Variants in ANK3 observed in about 807,000 individuals in gnomAD.
ANK3 encodes ankyrin 3, also known as ankyrin-3.
In ANK3, 57 loss-of-function variants were observed where a neutral mutation model predicts 370.9. The observed-to-expected ratio is 0.15, with a 90% CI of 0.12 to 0.19. The LOEUF (loss-of-function observed/expected upper bound fraction) is 0.19. Ranked by LOEUF, ANK3 falls within the 10% of genes least tolerant of loss-of-function variation. The pLI is 1.00. For synonymous variants in ANK3, 1,929 were observed against 1,946.3 expected, an observed-to-expected ratio of 0.99 and a Z score of 0.23; for missense variants, 4,439 against 5,302.1, an observed-to-expected ratio of 0.84 and a Z score of 5.06.
At chr10:60,290,082 T>C (rs924061266) in intron 1 of ANK3, among the ~76,000 whole-genome samples, 4 of 152,210 alleles carry the variant, frequency 2.6e-5, no homozygotes, top group Admixed American at 1.3e-4. Context: ...TGTGCACTGA[T>C]ATTTTTATAG....
intron 2 of ANK3, among the ~76,000 whole-genome samples, chr10:60,595,108 A>AT (rs1406540567): frequency 7.9e-5 from 12 of 152,062 alleles, no homozygotes; most frequent in South Asian, 6.2e-4. Flanking sequence ...TGGAAAATCT[A>AT]TTTTTTTTAA....
intron 4 of ANK3, among the ~76,000 whole-genome samples, chr10:60,271,941 G>GC (rs752751012): frequency 4.0e-5 from 6 of 150,896 alleles, no homozygotes; most frequent in Non-Finnish European, 5.9e-5. Flanking sequence ...AAAATTAGAG[G>GC]CAGTGGAATG....
intron 5 of ANK3, among the ~76,000 whole-genome samples, chr10:60,265,604 G>A (rs1336509558): frequency 6.6e-6 from 1 of 152,038 alleles, no homozygotes; most frequent in Admixed American, 6.5e-5. Flanking sequence ...TGGCATGCAA[G>A]TTACTTATTA....
intron 2 of ANK3, among the ~76,000 whole-genome samples, chr10:60,414,828 G>C (rs2063628170): frequency 6.6e-6 from 1 of 152,194 alleles, no homozygotes; most frequent in Admixed American, 6.5e-5. Context: ...ATTTGCCAAA[G>C]CAGTAGCCTT....
At chr10:60,707,328 C>T (rs1424916169) in intron 1 of ANK3, among the ~76,000 whole-genome samples, 1 of 152,074 alleles carries the variant, frequency 6.6e-6, no homozygotes, top group African/African-American at 2.4e-5. Context: ...CACTTTAAAG[C>T]CCCATTTGTC....
At chr10:60,258,805 A>C (rs1168142357) in intron 7 of ANK3, among the ~76,000 whole-genome samples, 1 of 150,184 alleles carries the variant, frequency 6.7e-6, no homozygotes, top group African/African-American at 2.4e-5. Flanking sequence ...TAAATCTTCC[A>C]CTCCCTACTG....
At chr10:60,484,665 G>A (rs1291099047) in intron 2 of ANK3, among the ~76,000 whole-genome samples, 2 of 152,184 alleles carry the variant, frequency 1.3e-5, no homozygotes, top group Admixed American at 1.3e-4. Flanking sequence ...GGACTCACTT[G>A]TTTTCTCCTG....
rs866661111 is a variant in ANK3 at position 60,198,410 on chromosome 10, G to A, written c.1619C>T (p.Ala540Val). The change falls in exon 14 of 44, where the codon GCC (alanine) becomes GTC (valine). Residue 540 changes from alanine (A) to valine (V), a missense_variant. Physicochemically the swap from Ala to Val is moderately conservative, Grantham distance 64. Coordinates refer to ENST00000280772, the MANE Select transcript of ANK3 (RefSeq NM_020987.5). ...GGCCACATCCTCATGCCCCTCTCGG[G>A]CGGAAAGGTGAAGTGGGGTGTACCC... ...TSGYTPLHLS[A>V]REGHEDVAAF... The A allele has an allele frequency of 1.2e-6, 2 of 1,614,210 alleles. No individual in the cohort carries two copies. The highest frequency in any genetic ancestry group is 1.6e-4 in the Middle Eastern group (1 of 6,062).
At chr10:60,596,429 G>A (rs888855250) in intron 2 of ANK3, among the ~76,000 whole-genome samples, 6 of 152,012 alleles carry the variant, frequency 3.9e-5, no homozygotes, top group African/African-American at 1.2e-4. Context: ...ATCAAACATG[G>A]CAACAGTCGC....
intron 1 of ANK3, among the ~76,000 whole-genome samples, chr10:60,320,581 A>ATGTT (rs767217379): frequency 1.3e-5 from 2 of 152,192 alleles, no homozygotes; most frequent in Non-Finnish European, 2.9e-5. Flanking sequence ...TCTGGGCAAC[A>ATGTT]GACTGAGACT....
At chr10:60,687,090 G>A (rs2079278557) in intron 1 of ANK3, among the ~76,000 whole-genome samples, 1 of 152,188 alleles carries the variant, frequency 6.6e-6, no homozygotes, top group South Asian at 2.1e-4. Context: ...TGGGCGTGTA[G>A]TAAACTATAT....
intron 25 of ANK3, among the ~76,000 whole-genome samples, chr10:60,127,688 T>C (rs1419774695): frequency 1.4e-5 from 2 of 145,446 alleles, no homozygotes; most frequent in Admixed American, 7.2e-5. Flanking sequence ...CCATAATTTT[T>C]AGTTTTTCAT....
intron 1 of ANK3, among the ~76,000 whole-genome samples, chr10:60,702,182 C>G (rs997043504): frequency 1.3e-5 from 2 of 151,680 alleles, no homozygotes; most frequent in Admixed American, 6.6e-5. Context: ...AGGAGAATCA[C>G]TTGAGCCCAG....
intron 1 of ANK3, among the ~76,000 whole-genome samples, chr10:60,373,669 G>T (rs1342222650): frequency 6.6e-6 from 1 of 152,164 alleles, no homozygotes; most frequent in African/African-American, 2.4e-5. Context: ...CAAGGTCACG[G>T]AAGGCAAGCA....
Position 60,069,405 on chromosome 10 carries a change from C to G in ANK3, c.11476G>C (p.Val3826Leu), listed in dbSNP as rs746447437. The change falls in exon 37 of 44, where the codon GTC becomes CTC. Residue 3826 changes from valine to leucine, a missense_variant. This residue lies in a region of ANK3 where 496 missense variants were observed against 529.3 expected (regional missense o/e 0.94). Transcript: ENST00000280772. ...ACCCCTGTCTTTTTTCCTGATGAGA[C>G]TTTCACTGGGTTATCTTTCTCTGTG... ...CTTEKDNPVK[V>L]SSGKKTGVLQ... The G allele has an allele frequency of 4.3e-6, 7 of 1,613,696 alleles. No homozygotes were observed. Among genetic ancestry groups the G allele is most frequent in the Admixed American group, 3.3e-5 (2 of 59,962 alleles).
In ANK3 at chr10:60,049,258, T is replaced by C. The variant is rs185270263; in HGVS notation, c.13065+6400A>G. 4.4e-3 allele frequency among the ~76,000 whole-genome samples: 670 copies of C among 152,328 alleles called. 8 individuals carry two copies. The highest frequency in any genetic ancestry group is 4.9e-3 in the Non-Finnish European group (334 of 68,020). The stretch of plus-strand genomic sequence containing the variant: ...CTCAGTTATAAAACCTATTCTCTGA[T>C]GACTTCACTCAATCTCTCTAAAATT... On this transcript the variant is annotated intron_variant, in intron 42 of 43. Transcript: ENST00000280772.
At chr10:60,435,065 A>G (rs2064123192) in intron 2 of ANK3, among the ~76,000 whole-genome samples, 1 of 152,242 alleles carries the variant, frequency 6.6e-6, no homozygotes, top group South Asian at 2.1e-4. Flanking sequence ...CTATGGACCA[A>G]CCTCATTCTT....
intron 2 of ANK3, among the ~76,000 whole-genome samples, chr10:60,528,094 T>C (rs1262031881): frequency 6.6e-6 from 1 of 151,764 alleles, no homozygotes; most frequent in East Asian, 1.9e-4. Flanking sequence ...ATAACAGCCT[T>C]TATAAAAGTC....
At chr10:60,384,497 A>T (rs1449036671) in intron 1 of ANK3, among the ~76,000 whole-genome samples, 2 of 152,174 alleles carry the variant, frequency 1.3e-5, no homozygotes, top group East Asian at 3.8e-4. Flanking sequence ...TATACTACAT[A>T]CCTTGTATGG....
Sources: gnomAD v4.1 joint callset for allele counts (sites outside exome capture counted in the v4.1 genomes callset) on GRCh38, gnomAD v4.1.1 for gene constraint, gnomAD v4.1.1 regional missense constraint, MANE v1.5 for transcripts, NCBI Gene and HGNC (gene_info 2026-07-23, HGNC 2026-07-21) for gene names.